The following SLC37A2 variants were observed in gnomAD, a reference collection of about 807,000 sequenced individuals.
The protein encoded by SLC37A2 is solute carrier family 37 member 2.
Under a neutral mutation model 70.7 loss-of-function variants are expected in SLC37A2, and 59 were observed. The observed-to-expected ratio is 0.83, with a 90% CI of 0.68 to 1.04. SLC37A2 has a LOEUF of 1.04. SLC37A2 is among the 50% of genes least tolerant of loss of function. The probability of loss-of-function intolerance (pLI) is 0.00; values close to 1 mark genes in which losing one functional copy is unlikely to be tolerated. For missense variants in SLC37A2, 580 were observed against 658.1 expected (o/e 0.88, Z 1.30); for synonymous variants, 257 against 262.1 (o/e 0.98, Z 0.19).
rs372040365 is a variant in SLC37A2, at chr11:125,081,406, G to C, written c.695-15G>C. The C allele has an allele frequency of 1.9e-6, 3 of 1,602,846 alleles. No homozygotes were observed. The highest frequency in any genetic ancestry group is 4.5e-5 in the East Asian group (2 of 44,138). Reference sequence around the variant, plus strand: ...GGGGTTGGGAAACTTCTTAGAAAGCGATTTTTTTTTCTAGACCCAGAAGAT... The same window carrying C: ...GGGGTTGGGAAACTTCTTAGAAAGCCATTTTTTTTTCTAGACCCAGAAGAT... On this transcript the variant is annotated splice_polypyrimidine_tract_variant and intron_variant, in intron 7 of 17. Coordinates refer to ENST00000403796, the MANE Select transcript of SLC37A2 (RefSeq NM_001145290.2).
chr11:125,079,285 G>A (rs565557770), intron 5 of SLC37A2, 38 bp downstream of exon 5: 84 of 1,612,860 alleles, frequency 5.2e-5, no homozygotes, highest in Middle Eastern at 1.8e-4. Flanking sequence ...CTGTGTTGCC[G>A]TCTCGGGAAG....
At chr11:125,085,909 G>C (rs1949208150) in intron 16 of SLC37A2, 45 bp from the exon 17 acceptor site, 1 of 1,569,560 alleles carries the variant, frequency 6.4e-7, no homozygotes. Context: ...TCAGTGCTCA[G>C]TGCTAACAGT....
chr11:125,084,995 G>C, intron 13 of SLC37A2, 71 bp from the exon 14 acceptor site: 1 of 1,580,084 alleles, frequency 6.3e-7, no homozygotes, highest in Non-Finnish European at 8.7e-7. Flanking sequence ...AGGCTGGAGA[G>C]TGCTCCTGCC....
chr11:125,081,256 C>A (rs774689399), intron 7 of SLC37A2, among the ~76,000 whole-genome samples, 165 bp from the exon 8 acceptor site: 1 of 152,074 alleles, frequency 6.6e-6, no homozygotes, highest in Non-Finnish European at 1.5e-5. Flanking sequence ...GAGCCCCAGG[C>A]CCCGCTCCCT....
At chr11:125,068,678 T>TTATATG (rs1170439795) in intron 1 of SLC37A2, among the ~76,000 whole-genome samples, 2 of 152,174 alleles carry the variant, frequency 1.3e-5, no homozygotes, top group African/African-American at 4.8e-5. Context: ...AGGTTAGAGA[T>TTATATG]TATATGTATA....
Position 125,086,792 on chromosome 11 carries a change from C to T in SLC37A2, c.1490+774C>T, listed in dbSNP as rs80264393. ...GTCTGATGGTCGGGCGACCCTCTCC[C>T]GCTGGCCGTCCTGAGCAGGAGCCTC... is the stretch of plus-strand genomic sequence containing the variant. On this transcript the variant is annotated intron_variant, in intron 17 of 17. Coordinates refer to ENST00000403796, the MANE Select transcript of SLC37A2 (RefSeq NM_001145290.2). 9.7e-3 allele frequency: 1,679 copies of T among 173,200 alleles called. 30 individuals are homozygous for T. The highest frequency in any genetic ancestry group is 0.037 in the African/African-American group (1,535 of 41,900). The allele number at this position is 173,200 out of a possible 1,614,324, so 10.7% of individuals were successfully genotyped here. A position where few individuals can be genotyped will look rare whatever the true frequency, so the allele number is the denominator to read the frequency against.
intron 9 of SLC37A2, 42 bp from the exon 10 acceptor site, chr11:125,082,202 C>A: frequency 1.3e-6 from 2 of 1,596,158 alleles, no homozygotes; most frequent in Non-Finnish European, 1.7e-6. Flanking sequence ...GAACCCAGGA[C>A]CTCTGGACCC....
Position 125,083,853 on chromosome 11 carries a change from C to T in SLC37A2, c.1015C>T (p.Leu339Phe). 3.1e-6 allele frequency: 5 copies of T among 1,614,196 alleles called. No homozygotes were observed. The highest frequency in any genetic ancestry group is 4.2e-6 in the Non-Finnish European group (5 of 1,180,022). ...SAKEAGDLST[L>F]FDVGGIIGGI... The stretch of plus-strand genomic sequence containing the variant: ...CAAGGAGGCTGGGGACCTGTCTACA[C>T]TCTTCGATGTTGGTGGCATCATAGG... Residue 339 changes from leucine to phenylalanine, a missense_variant, in exon 11 of 18, where the codon CTC becomes TTC. By Grantham distance (22) the Leu-to-Phe change is conservative (BLOSUM62 0). Transcript: ENST00000403796. The surrounding 1 kb of genome is among the most constrained non-coding windows in gnomAD (Gnocchi z 4.6).
chr11:125,072,986 C>T (rs1164301907), intron 1 of SLC37A2, among the ~76,000 whole-genome samples: 3 of 152,148 alleles, frequency 2.0e-5, no homozygotes, highest in Admixed American at 6.5e-5. Flanking sequence ...ACCCCCCACC[C>T]GCCACCCTCA....
chr11:125,085,267 A>G, intron 14 of SLC37A2, 128 bp downstream of exon 14: 1 of 1,237,996 alleles, frequency 8.1e-7, no homozygotes, highest in South Asian at 1.3e-5. Context: ...TTCAGAACGC[A>G]CCATGGGCCC....
At chr11:125,070,613 G>T (rs1247190459) in intron 1 of SLC37A2, among the ~76,000 whole-genome samples, 3 of 152,204 alleles carry the variant, frequency 2.0e-5, no homozygotes, top group African/African-American at 7.2e-5. Context: ...ACTGCAAAGA[G>T]GTGCATGGTA....
At chr11:125,084,928 G>T in intron 13 of SLC37A2, 55 bp downstream of exon 13, 1 of 1,607,858 alleles carries the variant, frequency 6.2e-7, no homozygotes, top group Admixed American at 1.7e-5. Context: ...TGCCTTGGGG[G>T]CCCCATGAGG....
In SLC37A2 at chr11:125,085,962, C is replaced by G. The variant is rs767766122; in HGVS notation, c.1434C>G (p.Cys478Trp). 4 of 1,614,108 alleles carry G rather than the reference C, an allele frequency of 2.5e-6. No individual in the cohort carries two copies. In the African/African-American group the frequency reaches 4.0e-5, roughly 16 times the overall value. ...TGCCTTGTGCTCCACAGCTCCTTTG[C>G]CGGTTAGTATACAAAGAGATCTTGG... Reference protein sequence around the residue: ...SADVLACLLLCRLVYKEILAW... With the variant: ...SADVLACLLLWRLVYKEILAW... The change falls in exon 17 of 18, where the codon TGC becomes TGG. Residue 478 changes from cysteine to tryptophan, a missense_variant. By Grantham distance (215) the Cys-to-Trp change is radical. Transcript: ENST00000403796.
At chr11:125,077,662 T>G (rs1949104185) in intron 4 of SLC37A2, 134 bp downstream of exon 4, 2 of 658,036 alleles carry the variant, frequency 3.0e-6, no homozygotes, top group Non-Finnish European at 5.1e-6. Context: ...CCATCCTCCT[T>G]GCCTTACCGC....
intron 17 of SLC37A2, 113 bp downstream of exon 17, chr11:125,086,131 G>A: frequency 1.3e-6 from 2 of 1,527,946 alleles, no homozygotes; most frequent in Non-Finnish European, 9.1e-7. Flanking sequence ...CAGACCTGAG[G>A]AGCACTGAGC....
At chr11:125,088,036 C>T (rs1591636537) in intron 17 of SLC37A2, 83 bp from the exon 18 acceptor site, 2 of 1,459,998 alleles carry the variant, frequency 1.4e-6, no homozygotes, top group Non-Finnish European at 9.4e-7. Context: ...GACCCTGGGA[C>T]CCTGCCTTTC....
At chr11:125,088,059 A>G in intron 17 of SLC37A2, 60 bp from the exon 18 acceptor site, 1 of 1,538,894 alleles carries the variant, frequency 6.5e-7, no homozygotes. Context: ...CTCCCTACTC[A>G]GCAGGAGCTT....
chr11:125,065,074 A>G (rs141946705), intron 1 of SLC37A2, among the ~76,000 whole-genome samples: 156 of 152,372 alleles, frequency 1.0e-3, no homozygotes, highest in African/African-American at 3.5e-3. Flanking sequence ...TTATCTTCAT[A>G]GGTATATTTT....
At chr11:125,069,689 C>T (rs913752824) in intron 1 of SLC37A2, among the ~76,000 whole-genome samples, 2 of 152,224 alleles carry the variant, frequency 1.3e-5, no homozygotes, top group African/African-American at 2.4e-5. Flanking sequence ...GAAGTAGTAA[C>T]ATGTAGCTCC....
Sources: gnomAD v4.1 joint callset for allele counts (sites outside exome capture counted in the v4.1 genomes callset) on GRCh38, gnomAD v4.1.1 for gene constraint, Gnocchi (gnomAD v3.1) non-coding constraint, MANE v1.5 for transcripts, NCBI Gene and HGNC (gene_info 2026-07-23, HGNC 2026-07-21) for gene names.